The following MPDZ variants were observed in gnomAD, a reference collection of about 807,000 sequenced individuals.
The protein encoded by MPDZ is multiple PDZ domain protein.
Under a neutral mutation model 239.1 loss-of-function variants are expected in MPDZ, and 234 were observed. The observed-to-expected ratio is 0.98, with a 90% CI of 0.88 to 1.09. MPDZ has a LOEUF of 1.09. MPDZ is among the 50% of genes least tolerant of loss of function. MPDZ has a pLI of 0.00. For missense variants in MPDZ, 3,175 were observed against 2,510.0 expected (o/e 1.26, Z -5.66); for synonymous variants, 1,048 against 881.3 (o/e 1.19, Z -3.35).
At position 13,136,165 on chromosome 9, in the gene MPDZ, T is replaced by C. The variant is rs377587728; in HGVS notation, c.4310A>G (p.Asn1437Ser). The change falls in exon 31 of 47, where the codon AAT (asparagine) becomes AGT (serine). Residue 1437 changes from asparagine (N) to serine (S), a missense_variant. Physicochemically the swap from Asn to Ser is conservative, Grantham distance 46. Coordinates refer to ENST00000319217, the MANE Select transcript of MPDZ (RefSeq NM_001378778.1). ...ATTTCCAGGACATACGGCCATCTGA[T>C]TCACTGCATCTTTATTTCTAAAAGC... ...IIFIRNKDAV[N>S]QMAVCPGNAV... 6.2e-7 allele frequency: 1 copy of C among 1,612,272 alleles called. No individual in the cohort carries two copies. Among genetic ancestry groups the C allele is most frequent in the Non-Finnish European group, 8.5e-7 (1 of 1,178,974 alleles).
intron 22 of MPDZ, among the ~76,000 whole-genome samples, chr9:13,166,796 C>CA (rs1246925443): frequency 2.6e-5 from 4 of 151,558 alleles, no homozygotes; most frequent in Non-Finnish European, 1.5e-5. Context: ...AAATACACAA[C>CA]AAAAAAATGA....
chr9:13,265,001 G>T (rs759051079), intron 1 of MPDZ, among the ~76,000 whole-genome samples: 1 of 152,192 alleles, frequency 6.6e-6, no homozygotes, highest in Non-Finnish European at 1.5e-5. Flanking sequence ...ATAGAACCAG[G>T]CAGGGGGATT....
At chr9:13,217,351 A>G in intron 8 of MPDZ, 57 bp from the exon 9 acceptor site, 1 of 1,107,268 alleles carries the variant, frequency 9.0e-7, no homozygotes, top group African/African-American at 1.6e-5. Context: ...ACAAAAAACA[A>G]AAAACAAACA....
chr9:13,200,582 T>C (rs1249991023), intron 12 of MPDZ, among the ~76,000 whole-genome samples: 1 of 152,056 alleles, frequency 6.6e-6, no homozygotes, highest in African/African-American at 2.4e-5. Flanking sequence ...AGAACTGCTT[T>C]TGCTGTAGGC....
chr9:13,243,339 A>G (rs1487496142), intron 3 of MPDZ, among the ~76,000 whole-genome samples: 2 of 151,914 alleles, frequency 1.3e-5, no homozygotes, highest in African/African-American at 4.8e-5. Context: ...ACATTGAACA[A>G]TACATAGTCC....
At chr9:13,276,963 C>G (rs1026857565) in intron 1 of MPDZ, among the ~76,000 whole-genome samples, 18 of 152,182 alleles carry the variant, frequency 1.2e-4, no homozygotes, top group African/African-American at 4.3e-4. Context: ...CAGTTAAAAA[C>G]TAAAAGTGGC....
chr9:13,139,196 T>C (rs777012398), intron 28 of MPDZ, among the ~76,000 whole-genome samples: 5 of 152,218 alleles, frequency 3.3e-5, no homozygotes, highest in Admixed American at 6.5e-5. Flanking sequence ...CCTTCCACAA[T>C]ACAGCAGCAC....
chr9:13,203,728 C>CCACACA (rs58472339), intron 12 of MPDZ, among the ~76,000 whole-genome samples: 109 of 140,556 alleles, frequency 7.8e-4, no homozygotes, highest in South Asian at 4.9e-3. Flanking sequence ...ATGTATCCTG[C>CCACACA]CACACACACA....
intron 40 of MPDZ, 71 bp downstream of exon 40, chr9:13,115,177 C>T: frequency 7.5e-7 from 1 of 1,332,150 alleles, no homozygotes; most frequent in Non-Finnish European, 1.1e-6. Flanking sequence ...CACAGACCCA[C>T]AGTCAGGGCC....
chr9:13,270,594 G>A (rs1972743450), intron 1 of MPDZ, among the ~76,000 whole-genome samples: 2 of 150,616 alleles, frequency 1.3e-5, no homozygotes, highest in Non-Finnish European at 3.0e-5. Flanking sequence ...TCTCAACAAT[G>A]TTTACACTGA....
intron 23 of MPDZ, among the ~76,000 whole-genome samples, chr9:13,159,097 T>C (rs553353673): frequency 1.3e-5 from 2 of 152,298 alleles, no homozygotes; most frequent in Admixed American, 1.3e-4. Context: ...ACAGGAATAC[T>C]GAACTGTCTC....
At chr9:13,151,066 A>C (rs1949105031) in intron 24 of MPDZ, among the ~76,000 whole-genome samples, 1 of 151,982 alleles carries the variant, frequency 6.6e-6, no homozygotes, top group Non-Finnish European at 1.5e-5. Flanking sequence ...ACATCACTAA[A>C]TATTATGGAA....
rs181003464 is a variant in MPDZ at position 13,163,167 on chromosome 9, A to C, written c.3255-372T>G. ...GTCAGCAATAACATTAATTTTGCCC[A>C]AAGATTTCTGGGATCTCTAGCAGAA... On this transcript the variant is annotated intron_variant, in intron 22 of 46. Coordinates refer to ENST00000319217, the MANE Select transcript of MPDZ (RefSeq NM_001378778.1). 2.9e-3 allele frequency among the ~76,000 whole-genome samples: 446 copies of C among 152,302 alleles called. 5 individuals are homozygous for C. The highest frequency in any genetic ancestry group is 4.8e-3 in the Non-Finnish European group (325 of 68,022).
chr9:13,166,749 G>A (rs1951131329), intron 22 of MPDZ, among the ~76,000 whole-genome samples: 1 of 151,934 alleles, frequency 6.6e-6, no homozygotes, highest in Admixed American at 6.6e-5. Flanking sequence ...CACATGATAG[G>A]GTAAATTCTG....
chr9:13,210,894 C>T (rs1476016808), intron 10 of MPDZ, among the ~76,000 whole-genome samples: 5 of 152,130 alleles, frequency 3.3e-5, no homozygotes, highest in African/African-American at 1.2e-4. Flanking sequence ...CAGTTCTGAA[C>T]ATCTGCCAGG....
At chr9:13,221,521 T>A in intron 6 of MPDZ, 21 bp from the exon 7 acceptor site, 1 of 1,601,272 alleles carries the variant, frequency 6.2e-7, no homozygotes. Context: ...AGCTCATATA[T>A]GAATTTGTAG....
intron 1 of MPDZ, among the ~76,000 whole-genome samples, chr9:13,273,285 T>C (rs777998067): frequency 2.0e-5 from 3 of 152,182 alleles, no homozygotes; most frequent in Non-Finnish European, 4.4e-5. Flanking sequence ...ATATCTTAAA[T>C]ATATCGGAAA....
chr9:13,268,647 T>G (rs1208950356), intron 1 of MPDZ, among the ~76,000 whole-genome samples: 3 of 152,138 alleles, frequency 2.0e-5, no homozygotes, highest in Non-Finnish European at 4.4e-5. Flanking sequence ...ATGAATCATC[T>G]CGAAGTATGA....
chr9:13,194,449 G>T (rs1955372481), intron 13 of MPDZ, among the ~76,000 whole-genome samples: 2 of 152,120 alleles, frequency 1.3e-5, no homozygotes, highest in Non-Finnish European at 2.9e-5. Context: ...CACAGGAACA[G>T]AAAACCAAAC....
Sources: gnomAD v4.1 joint callset for allele counts (sites outside exome capture counted in the v4.1 genomes callset) on GRCh38, gnomAD v4.1.1 for gene constraint, MANE v1.5 for transcripts, NCBI Gene and HGNC (gene_info 2026-07-23, HGNC 2026-07-21) for gene names.